GUCY2F: variants seen among roughly 807,000 people sequenced by gnomAD.
The protein encoded by GUCY2F is guanylate cyclase 2F, retinal, also known as retinal guanylyl cyclase 2.
GUCY2F carries 61 observed loss-of-function variants against 73.1 expected under a neutral mutation model. That is an observed-to-expected ratio of 0.83 (90% confidence interval 0.68 to 1.03). The LOEUF is 1.03. Ranked by LOEUF, GUCY2F falls within the 50% of genes least tolerant of loss-of-function variation. The pLI, the probability that GUCY2F is intolerant of heterozygous loss-of-function variation, is 0.00. For synonymous variants in GUCY2F, 331 were observed against 307.8 expected, an observed-to-expected ratio of 1.08 and a Z score of -0.79; for missense variants, 912 against 854.3, an observed-to-expected ratio of 1.07 and a Z score of -0.84.
chrX:109,419,512 G>A (rs1223947019), intron 8 of GUCY2F, among the ~76,000 whole-genome samples: 1 of 110,274 alleles, frequency 9.1e-6, no homozygotes, highest in Non-Finnish European at 1.9e-5. Flanking sequence ...AAGAATCATA[G>A]AAACTCAGAA....
At chrX:109,457,264 T>C (rs766813319) in intron 3 of GUCY2F, among the ~76,000 whole-genome samples, 1 of 112,125 alleles carries the variant, frequency 8.9e-6, no homozygotes, top group Non-Finnish European at 1.9e-5. Flanking sequence ...TTCAGCATAA[T>C]GGTTCGTGCT....
chrX:109,428,784 A>G (rs766419336), intron 8 of GUCY2F, among the ~76,000 whole-genome samples: 85 of 112,313 alleles, frequency 7.6e-4, no homozygotes, highest in African/African-American at 2.7e-3. Context: ...GGCTCAGAAA[A>G]ATAATGTGCA....
At chrX:109,410,257 AT>A (rs1442170695) in intron 8 of GUCY2F, among the ~76,000 whole-genome samples, 5 of 112,325 alleles carry the variant, frequency 4.5e-5, no homozygotes, top group African/African-American at 1.6e-4. Context: ...TTTTAGCATA[AT>A]TATAAGTGAA....
At chrX:109,441,804 C>CA (rs1396616354) in intron 6 of GUCY2F, among the ~76,000 whole-genome samples, 13 of 101,796 alleles carry the variant, frequency 1.3e-4, no homozygotes, top group Admixed American at 4.2e-4. Flanking sequence ...AAAGTAAGAC[C>CA]AAAAAAAAAA....
intron 6 of GUCY2F, among the ~76,000 whole-genome samples, chrX:109,447,289 G>A (rs915767477): frequency 4.0e-4 from 44 of 111,084 alleles, no homozygotes; most frequent in African/African-American, 1.1e-3. Flanking sequence ...ATACCCAAAG[G>A]ATTATAAATC....
intron 1 of GUCY2F, among the ~76,000 whole-genome samples, chrX:109,481,192 T>G (rs1932763957): frequency 9.0e-6 from 1 of 111,279 alleles, no homozygotes; most frequent in African/African-American, 3.3e-5. Context: ...GGAAAAAAAT[T>G]AGCTCACTAA....
At chrX:109,384,158 T>C (rs1930382428) in intron 16 of GUCY2F, among the ~76,000 whole-genome samples, 1 of 112,082 alleles carries the variant, frequency 8.9e-6, no homozygotes, top group Non-Finnish European at 1.9e-5. Context: ...TAAGCCTGTT[T>C]CTACACATGA....
chrX:109,412,453 A>C (rs774571155), intron 8 of GUCY2F, among the ~76,000 whole-genome samples: 2 of 111,683 alleles, frequency 1.8e-5, no homozygotes, highest in Admixed American at 9.5e-5. Context: ...AGGGCCTGGC[A>C]CCCATGACAA....
rs1279027340 is a variant in GUCY2F, at chrX:109,450,300, TTTC to T, written c.1472+1720_1472+1722del. On this transcript the variant is annotated intron_variant, in intron 5 of 19. Transcript: ENST00000218006. ...CAAACAAACCCCTCCCCACTGTTTT[TTTC>T]TTTTCTTTTTTCCTTCCTTTTCCAA... Among the ~76,000 whole-genome samples, 8 of 111,853 alleles carry T rather than the reference TTTC, an allele frequency of 7.2e-5. No individual in the cohort carries two copies. In the East Asian group the frequency reaches 2.2e-3, roughly 31 times the overall value.
At chrX:109,392,751 C>A in intron 13 of GUCY2F, 141 bp downstream of exon 13, 2 of 413,849 alleles carry the variant, frequency 4.8e-6, no homozygotes, top group Non-Finnish European at 8.4e-6. Context: ...AAAGGTGTGA[C>A]TAAAGCCCAC....
intron 1 of GUCY2F, among the ~76,000 whole-genome samples, chrX:109,480,542 T>C (rs1166043165): frequency 9.0e-6 from 1 of 111,444 alleles, no homozygotes; most frequent in Non-Finnish European, 1.9e-5. Context: ...TTTTGTGTTA[T>C]AATCCAGGTA....
intron 8 of GUCY2F, among the ~76,000 whole-genome samples, chrX:109,419,290 A>C (rs1931311291): frequency 9.0e-6 from 1 of 110,971 alleles, no homozygotes; most frequent in Non-Finnish European, 1.9e-5. Flanking sequence ...CATAGATGCA[A>C]AATTCTTTTA....
At chrX:109,455,883 T>C (rs1334331704) in intron 3 of GUCY2F, among the ~76,000 whole-genome samples, 2 of 112,165 alleles carry the variant, frequency 1.8e-5, no homozygotes, top group Non-Finnish European at 3.8e-5. Flanking sequence ...TACCCAATGT[T>C]GAACTCATGA....
chrX:109,406,104 G>A (rs1285126198), intron 9 of GUCY2F, among the ~76,000 whole-genome samples: 1 of 111,773 alleles, frequency 8.9e-6, no homozygotes. Flanking sequence ...GATCAGCCCT[G>A]TAAAAAATGC....
At chrX:109,454,749 T>G (rs1932221954) in intron 3 of GUCY2F, among the ~76,000 whole-genome samples, 1 of 111,377 alleles carries the variant, frequency 9.0e-6, no homozygotes, top group African/African-American at 3.3e-5. Context: ...GAGCAAACAA[T>G]TCCTCCCTTC....
rs1431136922 is a variant in GUCY2F, at chrX:109,475,815, A to T, written c.122T>A (p.Val41Asp). Residue 41 changes from valine to aspartate, a missense_variant, in exon 2 of 20, where the codon GTC (valine) becomes GAC (aspartate). Coordinates refer to ENST00000218006, the MANE Select transcript of GUCY2F (RefSeq NM_001522.3). ...KFLWCLCLLS[V>D]MSLPQQVWTL... Reference sequence around the variant, plus strand: ...CCACACCTGCTGCGGAAGGGACATGACAGACAGAAGGCACAAGCACCACAG... The same window carrying T: ...CCACACCTGCTGCGGAAGGGACATGTCAGACAGAAGGCACAAGCACCACAG... 1 of 1,211,210 alleles carries T rather than the reference A, an allele frequency of 8.3e-7. No individual in the cohort carries two copies. The highest frequency in any genetic ancestry group is 1.7e-5 in the African/African-American group (1 of 57,575).
In GUCY2F at chrX:109,430,296, A is replaced by G; in HGVS notation, c.1791+11T>C. The G allele has an allele frequency of 2.2e-6, 2 of 892,617 alleles. No homozygotes were observed. The highest frequency in any genetic ancestry group is 1.6e-6 in the Non-Finnish European group (1 of 607,827). The allele number at this position is 892,617 out of a possible 1,213,427, so 73.6% of individuals were successfully genotyped here. The stretch of plus-strand genomic sequence containing the variant: ...TTAGTGGGAATTTACATAAACGAAG[A>G]TTTCTCATACCATTTCGAACACATC... On this transcript the variant is annotated intron_variant, in intron 8 of 19. Coordinates refer to ENST00000218006, the MANE Select transcript of GUCY2F (RefSeq NM_001522.3).
In GUCY2F at chrX:109,379,727, C is replaced by T. The variant is rs145949969; in HGVS notation, c.3150+2391G>A. ...TAGTGACTGAAACAGGACTCATGTA[C>T]GAGAAAAGGTAATACAGTGATTTAT... is the stretch of plus-strand genomic sequence containing the variant. On this transcript the variant is annotated intron_variant, in intron 17 of 19. Coordinates refer to ENST00000218006, the MANE Select transcript of GUCY2F (RefSeq NM_001522.3). Among the ~76,000 whole-genome samples the T allele has an allele frequency of 5.5e-3, 612 of 112,151 alleles. 4 individuals are homozygous for T. Among genetic ancestry groups the T allele is most frequent in the African/African-American group, 0.019 (582 of 30,905 alleles).
At chrX:109,480,404 C>G (rs192926609) in intron 1 of GUCY2F, among the ~76,000 whole-genome samples, 27 of 111,396 alleles carry the variant, frequency 2.4e-4, no homozygotes, top group Non-Finnish European at 5.1e-4. Flanking sequence ...AATATAATGT[C>G]TATTTCAAGC....
Sources: allele counts gnomAD v4.1 joint callset (sites outside exome capture counted in the v4.1 genomes callset), GRCh38; gene constraint gnomAD v4.1.1; transcripts MANE v1.5; gene names NCBI Gene and HGNC (gene_info 2026-07-23, HGNC 2026-07-21).